Variants in FKBP6 observed in about 807,000 individuals in gnomAD.
FKBP6 encodes inactive peptidyl-prolyl cis-trans isomerase FKBP6.
A neutral mutation model predicts 41.7 loss-of-function variants in FKBP6; 29 were observed. That is an observed-to-expected ratio of 0.70 (90% CI 0.52 to 0.95). The LOEUF (loss-of-function observed/expected upper bound fraction) is 0.95, where lower values mean the gene tolerates loss of function less well. Among genes scored for constraint, FKBP6 ranks in the 40% least tolerant of loss-of-function variants. FKBP6 has a pLI of 0.00. For missense variants in FKBP6, 338 were observed against 408.7 expected (o/e 0.83, Z 1.49); for synonymous variants, 130 against 165.1 (o/e 0.79, Z 1.63).
At position 73,341,831 on chromosome 7, in the gene FKBP6, T is replaced by C. The variant is rs770050495; in HGVS notation, c.893+449T>C. Among the ~76,000 whole-genome samples, 22 of 151,634 alleles carry C rather than the reference T, an allele frequency of 1.5e-4. 1 individual carries two copies. The highest frequency in any genetic ancestry group is 7.4e-5 in the Non-Finnish European group (5 of 67,904). On this transcript the variant is annotated intron_variant, in intron 7 of 8. Transcript: ENST00000252037. ...GGCGTGTACCACCACATCTGGCTAA[T>C]TGTTTTTGTATTTTAGTTGAGACAG... is the stretch of plus-strand genomic sequence containing the variant.
chr7:73,331,601 T>G, intron 4 of FKBP6, 56 bp from the exon 5 acceptor site: 1 of 1,604,916 alleles, frequency 6.2e-7, no homozygotes, highest in Non-Finnish European at 8.5e-7. Flanking sequence ...AACACTTCCA[T>G]TGTGGCATTA....
rs1023561799 is a variant in FKBP6, at chr7:73,341,412, A to C, written c.893+30A>C. Reference sequence around the variant, plus strand: ...GCTGTGTTTGCAGGAGCATGAAGAGAGATGGGTGGGGTTGTGACTCTGGTC... The same window carrying C: ...GCTGTGTTTGCAGGAGCATGAAGAGCGATGGGTGGGGTTGTGACTCTGGTC... On this transcript the variant is annotated intron_variant, in intron 7 of 8. Transcript: ENST00000252037. The C allele has an allele frequency of 2.3e-6, 3 of 1,315,962 alleles. No homozygotes were observed. In the African/African-American group the frequency reaches 4.3e-5, roughly 19 times the overall value. 81.5% of individuals were successfully genotyped at this position (1,315,962 alleles called of 1,614,324 possible).
intron 5 of FKBP6, among the ~76,000 whole-genome samples, chr7:73,338,736 A>C (rs1239056872): frequency 6.6e-6 from 1 of 152,248 alleles, no homozygotes; most frequent in South Asian, 2.1e-4. Flanking sequence ...GACATTGGAC[A>C]TATTTTCATG....
At chr7:73,351,934 G>A (rs1206831186) in intron 8 of FKBP6, among the ~76,000 whole-genome samples, 1 of 152,078 alleles carries the variant, frequency 6.6e-6, no homozygotes, top group Non-Finnish European at 1.5e-5. Flanking sequence ...TCACCTCTCT[G>A]GGCCTTGGTT....
chr7:73,342,092 G>C (rs1053726495), intron 7 of FKBP6, among the ~76,000 whole-genome samples: 1 of 151,894 alleles, frequency 6.6e-6, no homozygotes, highest in Non-Finnish European at 1.5e-5. Context: ...AGGCGTTTCG[G>C]GTCTGACTCA....
rs782497707 is a variant in FKBP6, at chr7:73,328,364, C to T, written c.-65C>T. The T allele has an allele frequency of 2.6e-6, 4 of 1,565,604 alleles. No individual in the cohort carries two copies. The highest frequency in any genetic ancestry group is 3.5e-6 in the Non-Finnish European group (4 of 1,155,998). On this transcript the variant is annotated 5_prime_UTR_variant, in exon 1 of 9. Coordinates refer to ENST00000252037, the MANE Select transcript of FKBP6 (RefSeq NM_003602.5). Reference sequence around the variant, plus strand: ...GGCCTTCGGAACCCCACCAGAGTCACAGCCAGGGAGGGCAGCGGGGCGCAC... The same window carrying T: ...GGCCTTCGGAACCCCACCAGAGTCATAGCCAGGGAGGGCAGCGGGGCGCAC...
At chr7:73,348,466 C>T (rs1468739407) in intron 8 of FKBP6, among the ~76,000 whole-genome samples, 4 of 152,228 alleles carry the variant, frequency 2.6e-5, no homozygotes, top group Non-Finnish European at 5.9e-5. Context: ...CTTCTATACT[C>T]TCCTTCGCAA....
chr7:73,347,456 G>A (rs1805362910), intron 8 of FKBP6, among the ~76,000 whole-genome samples: 1 of 151,972 alleles, frequency 6.6e-6, no homozygotes, highest in African/African-American at 2.4e-5. Context: ...TCTTCCACAG[G>A]GCTCAATACT....
intron 5 of FKBP6, among the ~76,000 whole-genome samples, chr7:73,332,602 A>T (rs1804883559): frequency 6.6e-6 from 1 of 151,588 alleles, no homozygotes; most frequent in Admixed American, 6.6e-5. Flanking sequence ...TGGAGAGAGG[A>T]CTCACGGGAT....
At position 73,352,153 on chromosome 7, in the gene FKBP6, G is replaced by A. The variant is rs185275013; in HGVS notation, c.*3-6028G>A. Among the ~76,000 whole-genome samples, 46 of 152,106 alleles carry A rather than the reference G, an allele frequency of 3.0e-4. No homozygotes were observed. The East Asian group carries it at 5.0e-3, about 17-fold the overall frequency. Reference sequence around the variant, plus strand: ...GCTGATTTTTTTTATTTTGTAAGATGGGGTCTCATTATATTTCCTAGGCTG... The same window carrying A: ...GCTGATTTTTTTTATTTTGTAAGATAGGGTCTCATTATATTTCCTAGGCTG... On this transcript the variant is annotated intron_variant, in intron 8 of 8. Coordinates refer to ENST00000252037, the MANE Select transcript of FKBP6 (RefSeq NM_003602.5).
intron 3 of FKBP6, chr7:73,329,821 A>C: frequency 1.9e-6 from 1 of 525,928 alleles, no homozygotes; most frequent in Non-Finnish European, 3.4e-6. Flanking sequence ...ACTGACCTGC[A>C]CTCAGCTCAC....
At position 73,336,750 on chromosome 7, in the gene FKBP6, T is replaced by A. The variant is rs188936641; in HGVS notation, c.589-3888T>A. 4.8e-5 allele frequency: 22 copies of A among 456,584 alleles called. No homozygotes were observed. In the East Asian group the frequency reaches 1.5e-3, roughly 32 times the overall value. The allele number at this position is 456,584 out of a possible 1,614,324, so 28.3% of individuals were successfully genotyped here. ...AACTTCATTTTAATGAGGCTCTGTTTCATGTTAGGCACCGTGCTGGGTGTG... is the reference window on the plus strand; with the variant it reads ...AACTTCATTTTAATGAGGCTCTGTTACATGTTAGGCACCGTGCTGGGTGTG... On this transcript the variant is annotated intron_variant, in intron 5 of 8. Transcript: ENST00000252037.
Position 73,331,576 on chromosome 7 carries a change from G to T in FKBP6, c.469-81G>T, listed in dbSNP as rs1804843636. The T allele has an allele frequency of 6.8e-6, 10 of 1,473,446 alleles. No homozygotes were observed. In the East Asian group the frequency reaches 2.3e-4, roughly 34 times the overall value. 91.3% of individuals were successfully genotyped at this position (1,473,446 alleles called of 1,614,324 possible). A position where few individuals can be genotyped will look rare whatever the true frequency, so the allele number is the denominator to read the frequency against. On this transcript the variant is annotated intron_variant, in intron 4 of 8. Transcript: ENST00000252037. ...TTGCCCAGGCTGGTCTCGAACTCCT[G>T]GGCTCACGTGTACTAACACTTCCAT... is the stretch of plus-strand genomic sequence containing the variant.
chr7:73,341,721 T>G (rs1309667675), intron 7 of FKBP6, among the ~76,000 whole-genome samples: 25 of 147,894 alleles, frequency 1.7e-4, no homozygotes, highest in African/African-American at 6.0e-4. Flanking sequence ...TATAGGGCAA[T>G]GGCATGATCT....
chr7:73,354,708 G>C (rs1554551641), intron 8 of FKBP6, among the ~76,000 whole-genome samples: 1 of 152,188 alleles, frequency 6.6e-6, no homozygotes, highest in East Asian at 1.9e-4. Flanking sequence ...GTACAGCCTT[G>C]GTTCATCTGC....
At chr7:73,356,215 G>A (rs1191988299) in intron 8 of FKBP6, among the ~76,000 whole-genome samples, 3 of 152,084 alleles carry the variant, frequency 2.0e-5, no homozygotes, top group African/African-American at 7.2e-5. Flanking sequence ...TTAAGAAGTG[G>A]CTGGATAGCA....
intron 8 of FKBP6, among the ~76,000 whole-genome samples, chr7:73,356,332 C>T (rs148938915): frequency 9.9e-5 from 15 of 152,276 alleles, no homozygotes; most frequent in East Asian, 3.9e-4. Flanking sequence ...GCTATCCTCA[C>T]GCCTGACTTT....
chr7:73,340,686 C>T lies in FKBP6; in HGVS notation c.637C>T (p.Leu213=). The T allele has an allele frequency of 6.2e-7, 1 of 1,614,008 alleles. No homozygotes were observed. The highest frequency in any genetic ancestry group is 8.5e-7 in the Non-Finnish European group (1 of 1,180,028). The change falls in exon 6 of 9, where the codon CTG becomes TTG. Residue 213 remains leucine, a synonymous_variant. Coordinates refer to ENST00000252037, the MANE Select transcript of FKBP6 (RefSeq NM_003602.5). Reference sequence around the variant, plus strand: ...ATCAGCACCCCCTGAAGAGCAGCACCTGGTGGAGGCCGCCAAGCTTCCTGT... The same window carrying T: ...ATCAGCACCCCCTGAAGAGCAGCACTTGGTGGAGGCCGCCAAGCTTCCTGT... ...RRSAPPEEQH[L]VEAAKLPVLL...
chr7:73,337,832 T>C lies in FKBP6; in HGVS notation c.589-2806T>C, dbSNP rs116633884. 6.9e-3 allele frequency among the ~76,000 whole-genome samples: 1,051 copies of C among 152,294 alleles called. 15 individuals are homozygous for C. The highest frequency in any genetic ancestry group is 0.023 in the African/African-American group (974 of 41,558). ...GCCACTATCTAATTCCAGAACATTT[T>C]CCTCACCCCGAAATGAAACTCACAA... is the stretch of plus-strand genomic sequence containing the variant. On this transcript the variant is annotated intron_variant, in intron 5 of 8. Coordinates refer to ENST00000252037, the MANE Select transcript of FKBP6 (RefSeq NM_003602.5).
Sources: allele counts gnomAD v4.1 joint callset (sites outside exome capture counted in the v4.1 genomes callset), GRCh38; gene constraint gnomAD v4.1.1; transcripts MANE v1.5; gene names NCBI Gene and HGNC (gene_info 2026-07-23, HGNC 2026-07-21).